Variants in MLC1 observed in about 807,000 individuals in gnomAD.
MLC1 encodes modulator of VRAC current 1, also known as membrane protein MLC1.
MLC1 carries 32 observed loss-of-function variants against 44.7 expected under a neutral mutation model. The observed-to-expected ratio is 0.72, with a 90% CI of 0.54 to 0.96. The LOEUF (loss-of-function observed/expected upper bound fraction) is 0.96, where lower values mean the gene tolerates loss of function less well. MLC1 is among the 40% of genes least tolerant of loss of function. The pLI, the probability that MLC1 is intolerant of heterozygous loss-of-function variation, is 0.00. For missense variants in MLC1, 459 were observed against 492.2 expected (o/e 0.93, Z 0.64); for synonymous variants, 190 against 213.0 (o/e 0.89, Z 0.94).
At chr22:50,075,748 G>A (rs555831948) in intron 7 of MLC1, among the ~76,000 whole-genome samples, 1 of 152,046 alleles carries the variant, frequency 6.6e-6, no homozygotes, top group Admixed American at 6.6e-5. Context: ...AACGGAAATG[G>A]AACCTAAGAG....
At chr22:50,080,267 CAA>C in intron 4 of MLC1, 75 bp downstream of exon 4, 1 of 1,511,788 alleles carries the variant, frequency 6.6e-7, no homozygotes. Context: ...GGCACACACA[CAA>C]GCACACATGG....
chr22:50,062,150 G>A (rs2061575450), intron 11 of MLC1, among the ~76,000 whole-genome samples: 1 of 140,624 alleles, frequency 7.1e-6, no homozygotes, highest in African/African-American at 2.7e-5. Context: ...CCCACCCTGA[G>A]CCCCTGGGCC....
At position 50,077,456 on chromosome 22, in the gene MLC1, G is replaced by A. The variant is rs1219458189; in HGVS notation, c.470C>T (p.Ala157Val). 3.7e-6 allele frequency: 6 copies of A among 1,613,898 alleles called. No individual in the cohort carries two copies. The highest frequency in any genetic ancestry group is 1.3e-5 in the African/African-American group (1 of 75,054). Reference protein sequence around the residue: ...ILLLLLELLMAATVIIAARSS... With the variant: ...ILLLLLELLMVATVIIAARSS... ...CCGTGCAGCGATGATCACCGTGGCC[G>A]CCATGAGCAGCTCCAGCAGGAGCAG... is the stretch of plus-strand genomic sequence containing the variant. The change falls in exon 6 of 12, where the codon GCG becomes GTG. Residue 157 changes from alanine (A) to valine (V), a missense_variant. Ala to Val is a moderately conservative substitution (Grantham distance 64). Coordinates refer to ENST00000311597, the MANE Select transcript of MLC1 (RefSeq NM_015166.4).
chr22:50,066,659 T>TAA (rs201958391), intron 10 of MLC1, among the ~76,000 whole-genome samples: 18,031 of 143,306 alleles, frequency 0.13, 1,198 homozygotes, highest in South Asian at 0.23. Context: ...GACTCTATCT[T>TAA]AAAAAAAAAA....
rs1282845890 is a variant in MLC1 at position 50,061,001 on chromosome 22, T to G, written c.*582A>C. 1 of 157,516 alleles carries G rather than the reference T, an allele frequency of 6.3e-6. No individual in the cohort carries two copies. Among genetic ancestry groups the G allele is most frequent in the Non-Finnish European group, 1.4e-5 (1 of 70,856 alleles). The allele number at this position is 157,516 out of a possible 1,614,324, so 9.8% of individuals were successfully genotyped here. ...GCCCAGGCTCTGGAGGAGGGGCCCC[T>G]GCGGCTCCCGGGCCAGGACAGAGGC... On this transcript the variant is annotated 3_prime_UTR_variant, in exon 12 of 12. Coordinates refer to ENST00000311597, the MANE Select transcript of MLC1 (RefSeq NM_015166.4).
At chr22:50,070,366 C>A in intron 9 of MLC1, among the ~76,000 whole-genome samples, 161 bp downstream of exon 9, 1 of 152,204 alleles carries the variant, frequency 6.6e-6, no homozygotes, top group East Asian at 1.9e-4. Context: ...GGCCAGCCTC[C>A]ACCTCCCACA....
intron 10 of MLC1, 75 bp downstream of exon 10, chr22:50,068,358 G>T: frequency 1.3e-6 from 2 of 1,585,014 alleles, no homozygotes; most frequent in Middle Eastern, 1.8e-4. Flanking sequence ...AGAGTCCCAG[G>T]CAAAGCCAGC....
chr22:50,073,019 C>T (rs1168656626), intron 8 of MLC1, among the ~76,000 whole-genome samples: 3 of 152,200 alleles, frequency 2.0e-5, no homozygotes, highest in Non-Finnish European at 4.4e-5. Flanking sequence ...GGCGTGGGCC[C>T]CTTCTCGGCA....
At position 50,082,236 on chromosome 22, in the gene MLC1, G is replaced by C. The variant is rs117218489; in HGVS notation, c.267+848C>G. On this transcript the variant is annotated intron_variant, in intron 3 of 11. Transcript: ENST00000311597. Reference sequence around the variant, plus strand: ...CTTGCGGGCCAGAGGGGCATGGGGTGCGCGGCTTGCGGGCCAGAGGGGCAT... The same window carrying C: ...CTTGCGGGCCAGAGGGGCATGGGGTCCGCGGCTTGCGGGCCAGAGGGGCAT... 2.1e-3 allele frequency among the ~76,000 whole-genome samples: 194 copies of C among 92,218 alleles called. 1 individual carries two copies. Among genetic ancestry groups the C allele is most frequent in the South Asian group, 0.013 (30 of 2,306 alleles). 60.5% of individuals were successfully genotyped at this position (92,218 alleles called of 152,430 possible). A position where few individuals can be genotyped will look rare whatever the true frequency, so the allele number is the denominator to read the frequency against.
chr22:50,081,013 G>GAAAGAAAGAAAGAAAGAAAGAAATAA, intron 3 of MLC1, among the ~76,000 whole-genome samples: 1 of 119,592 alleles, frequency 8.4e-6, no homozygotes, highest in Non-Finnish European at 1.8e-5. Flanking sequence ...CTCAAAAAAA[G>GAAAGAAAGAAAGAAAGAAAGAAATAA]AAAGAAAGAA....
intron 5 of MLC1, among the ~76,000 whole-genome samples, chr22:50,078,832 G>A (rs2062045917): frequency 6.6e-6 from 1 of 152,010 alleles, no homozygotes; most frequent in Admixed American, 6.6e-5. Context: ...TTTATTTTCT[G>A]TATTTCTGGT....
chr22:50,075,191 CAG>C (rs2146866150), intron 7 of MLC1, among the ~76,000 whole-genome samples: 1 of 149,716 alleles, frequency 6.7e-6, no homozygotes, highest in African/African-American at 2.5e-5. Context: ...CCGCCAGACT[CAG>C]GGAGGGGCCG....
At chr22:50,071,643 C>A (rs1174847222) in intron 8 of MLC1, among the ~76,000 whole-genome samples, 1 of 152,216 alleles carries the variant, frequency 6.6e-6, no homozygotes, top group Non-Finnish European at 1.5e-5. Context: ...AGGGTGTGGA[C>A]TGCCCCTTCC....
At chr22:50,081,833 C>T (rs933538794) in intron 3 of MLC1, among the ~76,000 whole-genome samples, 2 of 152,242 alleles carry the variant, frequency 1.3e-5, no homozygotes, top group East Asian at 1.9e-4. Context: ...GGGCACTTGC[C>T]CATATCCGGC....
rs1270153559 is a variant in MLC1, at chr22:50,061,646, G to A, written c.1071C>T (p.Ser357=). The change falls in exon 12 of 12, where the codon AGC becomes AGT. Residue 357 remains serine (S), a synonymous_variant. Transcript: ENST00000311597. ...TCTCCTTGTCGAACTCCTTCAGGGG[G>A]CTCCTGGCCACCTGCAACCGAGACA... ...QERLAGEVAR[S]PLKEFDKEKA... is the part of the protein sequence containing the mutation. 2.5e-6 allele frequency: 4 copies of A among 1,613,364 alleles called. No individual in the cohort carries two copies. The Admixed American group carries it at 6.7e-5, about 27-fold the overall frequency.
chr22:50,064,615 C>T (rs1175628229), intron 10 of MLC1, among the ~76,000 whole-genome samples: 1 of 149,476 alleles, frequency 6.7e-6, no homozygotes, highest in Non-Finnish European at 1.5e-5. Context: ...AGGGGGCAGC[C>T]GTCCTGGGGG....
In MLC1 at chr22:50,070,543, C is replaced by CA. The variant is rs757250956; in HGVS notation, c.754dup (p.Cys252LeufsTer40). 3.2e-6 allele frequency: 5 copies of CA among 1,564,080 alleles called. No homozygotes were observed. Among genetic ancestry groups the CA allele is most frequent in the Non-Finnish European group, 4.3e-6 (5 of 1,153,596 alleles). ...TTCACCCACCAGACACTTGCTGGGACACTCTGCTGCCACATGACTGGCAAT... is the reference window on the plus strand; with the variant it reads ...TTCACCCACCAGACACTTGCTGGGACAACTCTGCTGCCACATGACTGGCAAT... On this transcript the variant is annotated frameshift_variant, in exon 9 of 12. Transcript: ENST00000311597. LOFTEE classifies it high-confidence loss of function.
intron 7 of MLC1, among the ~76,000 whole-genome samples, chr22:50,075,185 C>T (rs984367098): frequency 6.7e-6 from 1 of 150,042 alleles, no homozygotes; most frequent in Non-Finnish European, 1.5e-5. Flanking sequence ...CCAGCACCGC[C>T]AGACTCAGGG....
At chr22:50,069,322 T>C (rs2061794036) in intron 9 of MLC1, among the ~76,000 whole-genome samples, 1 of 152,066 alleles carries the variant, frequency 6.6e-6, no homozygotes, top group Non-Finnish European at 1.5e-5. Flanking sequence ...AGCCTGCCTT[T>C]TCATTCACAG....
Sources: gnomAD v4.1 joint callset for allele counts (sites outside exome capture counted in the v4.1 genomes callset) on GRCh38, gnomAD v4.1.1 for gene constraint, MANE v1.5 for transcripts, NCBI Gene and HGNC (gene_info 2026-07-23, HGNC 2026-07-21) for gene names.